Variants in ACVR1 observed in about 807,000 individuals in gnomAD.
The protein encoded by ACVR1 is activin A receptor type 1.
Under a neutral mutation model 57.1 loss-of-function variants are expected in ACVR1, and 38 were observed. That is an observed-to-expected ratio of 0.67 (90% CI 0.51 to 0.87). The LOEUF is 0.87. Ranked by LOEUF, ACVR1 falls within the 40% of genes least tolerant of loss-of-function variation. The pLI, the probability that ACVR1 is intolerant of heterozygous loss-of-function variation, is 0.00. For synonymous variants in ACVR1, 212 were observed against 228.1 expected (o/e 0.93, Z 0.63); for missense variants, 463 against 638.2 (o/e 0.73, Z 2.96).
chr2:157,784,976 G>C (rs968085020), intron 3 of ACVR1, among the ~76,000 whole-genome samples: 5 of 152,286 alleles, frequency 3.3e-5, no homozygotes, highest in African/African-American at 1.2e-4. Context: ...CAACACTGTG[G>C]ACTTACCTAT....
rs560020731 is a variant in ACVR1 at position 157,839,749 on chromosome 2, A to C, written c.-182-21190T>G. ...GCTCCCTGCTTCTGGGGGATGCCAG[A>C]CTTACCCAGAAACCACACAAGAACT... On this transcript the variant is annotated intron_variant, in intron 1 of 10. Transcript: ENST00000434821. 2.6e-5 allele frequency among the ~76,000 whole-genome samples: 4 copies of C among 152,310 alleles called. No individual in the cohort carries two copies. The South Asian group carries it at 8.3e-4, about 32-fold the overall frequency.
chr2:157,838,450 T>G (rs1470804597), intron 1 of ACVR1: 1 of 152,218 alleles, frequency 6.6e-6, no homozygotes, highest in Non-Finnish European at 1.5e-5. Context: ...TTAGGTGATT[T>G]TTTTAAAGAA....
intron 2 of ACVR1, among the ~76,000 whole-genome samples, chr2:157,814,702 A>G (rs1165723415): frequency 1.3e-5 from 2 of 152,218 alleles, no homozygotes; most frequent in African/African-American, 4.8e-5. Flanking sequence ...TTTGTTCACG[A>G]TAATAAAAAC....
intron 9 of ACVR1, among the ~76,000 whole-genome samples, chr2:157,753,688 G>A (rs1258596871): frequency 6.6e-6 from 1 of 152,120 alleles, no homozygotes; most frequent in African/African-American, 2.4e-5. Flanking sequence ...TTCTCTGATA[G>A]CACTAGATAG....
intron 9 of ACVR1, among the ~76,000 whole-genome samples, chr2:157,753,192 G>T (rs1685276421): frequency 6.6e-6 from 1 of 152,108 alleles, no homozygotes; most frequent in African/African-American, 2.4e-5. Context: ...AAACTTTAAA[G>T]CAACATCATT....
chr2:157,803,549 G>A (rs903417728), intron 2 of ACVR1, among the ~76,000 whole-genome samples: 8 of 152,128 alleles, frequency 5.3e-5, no homozygotes, highest in Non-Finnish European at 1.2e-4. Context: ...ATCTCAACCC[G>A]AAGTCCCAAG....
At chr2:157,748,745 A>C (rs556023343) in intron 9 of ACVR1, among the ~76,000 whole-genome samples, 1 of 152,184 alleles carries the variant, frequency 6.6e-6, no homozygotes, top group African/African-American at 2.4e-5. Flanking sequence ...CCACTCTGCT[A>C]TTAGGAAAAA....
In ACVR1 at chr2:157,848,454, G is replaced by A. The variant is rs139881623; in HGVS notation, c.-183+27342C>T. On this transcript the variant is annotated intron_variant, in intron 1 of 10. Transcript: ENST00000434821. ...AGCCAGCATCAACCGCCAGACATGC[G>A]AGTGAATGAGCCTTTGGATGATTCC... 8.3e-3 allele frequency among the ~76,000 whole-genome samples: 1,260 copies of A among 152,274 alleles called. 8 individuals carry two copies. The highest frequency in any genetic ancestry group is 0.013 in the Non-Finnish European group (914 of 68,014).
intron 3 of ACVR1, among the ~76,000 whole-genome samples, chr2:157,784,922 G>A (rs1686660628): frequency 6.6e-6 from 1 of 152,178 alleles, no homozygotes; most frequent in African/African-American, 2.4e-5. Flanking sequence ...GTACTTCATG[G>A]TAAAAGTATT....
intron 9 of ACVR1, among the ~76,000 whole-genome samples, chr2:157,747,568 T>C (rs1202267835): frequency 6.6e-6 from 1 of 152,144 alleles, no homozygotes; most frequent in Non-Finnish European, 1.5e-5. Context: ...TACAACTAAG[T>C]TTTAAAAATG....
intron 1 of ACVR1, among the ~76,000 whole-genome samples, chr2:157,820,853 T>C (rs1688138044): frequency 6.6e-6 from 1 of 152,232 alleles, no homozygotes; most frequent in African/African-American, 2.4e-5. Context: ...CATATTATTC[T>C]TCACTGTTTG....
chr2:157,861,308 G>T (rs1382044610), intron 1 of ACVR1, among the ~76,000 whole-genome samples: 1 of 151,992 alleles, frequency 6.6e-6, no homozygotes, highest in Non-Finnish European at 1.5e-5. Context: ...TATATAGAAG[G>T]ATAGAATGGC....
At chr2:157,830,692 T>C (rs1301779293) in intron 1 of ACVR1, among the ~76,000 whole-genome samples, 1 of 151,226 alleles carries the variant, frequency 6.6e-6, no homozygotes, top group Non-Finnish European at 1.5e-5. Flanking sequence ...GAAACTAAAT[T>C]GTTATCAATA....
At position 157,845,203 on chromosome 2, in the gene ACVR1, T is replaced by A. The variant is rs573730008; in HGVS notation, c.-182-26644A>T. Among the ~76,000 whole-genome samples, 3 of 152,256 alleles carry A rather than the reference T, an allele frequency of 2.0e-5. No individual in the cohort carries two copies. The East Asian group carries it at 5.8e-4, about 29-fold the overall frequency. ...CTGCTGACTGAGGTAGTGTAGTGGG[T>A]TGAACAGTAGCCTGCCAATCAATTT... On this transcript the variant is annotated intron_variant, in intron 1 of 10. Transcript: ENST00000434821.
chr2:157,852,043 T>C lies in ACVR1; in HGVS notation c.-183+23753A>G, dbSNP rs149407259. On this transcript the variant is annotated intron_variant, in intron 1 of 10. Transcript: ENST00000434821. Reference sequence around the variant, plus strand: ...AAGAGGCAAGAGCATTGAATGTGGATTCATTTTTTAAAATGCTTCCTCAGG... The same window carrying C: ...AAGAGGCAAGAGCATTGAATGTGGACTCATTTTTTAAAATGCTTCCTCAGG... Among the ~76,000 whole-genome samples, 1,187 of 151,978 alleles carry C rather than the reference T, an allele frequency of 7.8e-3. 17 individuals carry two copies. The highest frequency in any genetic ancestry group is 0.027 in the African/African-American group (1,130 of 41,446).
chr2:157,800,365 C>T (rs1052614398), intron 2 of ACVR1, among the ~76,000 whole-genome samples: 8 of 152,220 alleles, frequency 5.3e-5, no homozygotes, highest in Middle Eastern at 3.4e-3. Flanking sequence ...CGGTGGCTCA[C>T]AGCTGTAATC....
chr2:157,807,459 G>A (rs1332260980), intron 2 of ACVR1, among the ~76,000 whole-genome samples: 1 of 151,960 alleles, frequency 6.6e-6, no homozygotes, highest in African/African-American at 2.4e-5. Flanking sequence ...CACCTGCTTT[G>A]TTTCAACTGC....
chr2:157,748,431 G>A (rs1268652567), intron 9 of ACVR1, among the ~76,000 whole-genome samples: 4 of 152,086 alleles, frequency 2.6e-5, no homozygotes, highest in South Asian at 4.1e-4. Flanking sequence ...TTTTCAGTTC[G>A]AAGGTGTTTA....
chr2:157,818,086 G>A (rs1484545875), intron 2 of ACVR1, among the ~76,000 whole-genome samples: 4 of 152,006 alleles, frequency 2.6e-5, no homozygotes, highest in African/African-American at 4.8e-5. Flanking sequence ...TTTATAGGCA[G>A]GGAAACACTG....
Sources: gnomAD v4.1 joint callset for allele counts (sites outside exome capture counted in the v4.1 genomes callset) on GRCh38, gnomAD v4.1.1 for gene constraint, MANE v1.5 for transcripts, NCBI Gene and HGNC (gene_info 2026-07-23, HGNC 2026-07-21) for gene names.